ZNF550: variants seen among roughly 807,000 people sequenced by gnomAD.
The protein encoded by ZNF550 is zinc finger protein 550.
A neutral mutation model predicts 40.2 loss-of-function variants in ZNF550; 42 were observed. The ratio of observed to expected loss-of-function variants is 1.05; its 90% CI spans 0.82 to 1.35. The LOEUF is 1.35. ZNF550 is among the 40% of genes most tolerant of loss of function. The pLI is 0.00. For synonymous variants in ZNF550, 223 were observed against 198.6 expected (o/e 1.12, Z -1.03); for missense variants, 549 against 525.2 (o/e 1.05, Z -0.44).
At chr19:57,548,814 T>C (rs553103937) in intron 3 of ZNF550, among the ~76,000 whole-genome samples, 1 of 152,312 alleles carries the variant, frequency 6.6e-6, no homozygotes. Context: ...ATAGCCAAGA[T>C]TTGGAAACAA....
At chr19:57,552,527 G>A in intron 3 of ZNF550, 100 bp downstream of exon 3, 2 of 937,968 alleles carry the variant, frequency 2.1e-6, no homozygotes, top group Non-Finnish European at 3.2e-6. Flanking sequence ...CCCCCGGAAA[G>A]CCACAATGAG....
intron 3 of ZNF550, among the ~76,000 whole-genome samples, chr19:57,551,158 C>G (rs1407873306): frequency 1.3e-5 from 2 of 152,114 alleles, no homozygotes; most frequent in Non-Finnish European, 2.9e-5. Context: ...GAGGTAAGAT[C>G]TCCTCCATAG....
At chr19:57,546,920 A>G in exon 4 of ZNF550, 1 of 1,539,208 alleles carries the variant, frequency 6.5e-7, no homozygotes, top group Non-Finnish European at 8.8e-7. Flanking sequence ...ATTATGAATG[A>G]TAAAATAACA....
intron 1 of ZNF550, among the ~76,000 whole-genome samples, chr19:57,558,111 G>A (rs1236073012): frequency 6.6e-6 from 1 of 152,156 alleles, no homozygotes; most frequent in African/African-American, 2.4e-5. Flanking sequence ...TTTGAGCACC[G>A]CTAAAACACC....
In ZNF550 at chr19:57,556,359, T is replaced by C; in HGVS notation, c.28-2A>G. On this transcript the variant is annotated splice_acceptor_variant, in intron 1 of 4. Coordinates refer to ENST00000457177, the Ensembl canonical transcript of ZNF550. LOFTEE classifies it high-confidence loss of function. Reference sequence around the variant, plus strand: ...CACATCCTTGAAGGTCACCAACATCTGGAAAGTCAAACAGAAGTAATGCTA... The same window carrying C: ...CACATCCTTGAAGGTCACCAACATCCGGAAAGTCAAACAGAAGTAATGCTA... 6.2e-7 allele frequency: 1 copy of C among 1,611,868 alleles called. No homozygotes were observed. The highest frequency in any genetic ancestry group is 8.5e-7 in the Non-Finnish European group (1 of 1,179,056).
chr19:57,560,220 G>C (rs2090158462), upstream of ZNF550, among the ~76,000 whole-genome samples: 1 of 152,142 alleles, frequency 6.6e-6, no homozygotes, highest in South Asian at 2.1e-4. Context: ...CTTACGCCTG[G>C]TTACTGCGTC....
intron 2 of ZNF550, 71 bp from the exon 3 acceptor site, chr19:57,552,793 G>T: frequency 8.7e-7 from 1 of 1,154,948 alleles, no homozygotes; most frequent in Non-Finnish European, 1.3e-6. Flanking sequence ...TCTTGCCTAG[G>T]ACTTCATGAC....
At chr19:57,544,609 T>C (rs765717347) in intron 4 of ZNF550, 2 of 985,306 alleles carry the variant, frequency 2.0e-6, no homozygotes, top group Non-Finnish European at 2.4e-6. Context: ...CAGAGAACTC[T>C]TAACTCACCA....
exon 4 of ZNF550, chr19:57,546,523 C>CT: frequency 1.0e-6 from 1 of 990,336 alleles, no homozygotes; most frequent in Non-Finnish European, 1.2e-6. Context: ...CAGCATGGCT[C>CT]TTTATAGGAC....
chr19:57,549,112 C>T (rs759272563), intron 3 of ZNF550, among the ~76,000 whole-genome samples: 11 of 151,956 alleles, frequency 7.2e-5, no homozygotes, highest in African/African-American at 2.2e-4. Flanking sequence ...ATAGCACAAC[C>T]GGGTGGCTAT....
exon 4 of ZNF550, chr19:57,546,880 C>G: frequency 4.1e-6 from 6 of 1,462,828 alleles, no homozygotes; most frequent in Non-Finnish European, 5.4e-6. Context: ...TCTTTGCATT[C>G]GAAGGACTTC....
chr19:57,546,499 G>A, exon 4 of ZNF550: 3 of 989,176 alleles, frequency 3.0e-6, no homozygotes, highest in Non-Finnish European at 3.6e-6. Context: ...AAAATCCCAA[G>A]GTGGGTCAAA....
At chr19:57,547,697 G>A (rs1461537530) in exon 4 of ZNF550, 1 of 1,614,182 alleles carries the variant, frequency 6.2e-7, no homozygotes, top group Non-Finnish European at 8.5e-7. Context: ...TCACATTCAT[G>A]GAGAACATCT....
intron 3 of ZNF550, among the ~76,000 whole-genome samples, chr19:57,549,835 G>C (rs148967032): frequency 3.3e-4 from 51 of 152,310 alleles, no homozygotes; most frequent in African/African-American, 9.9e-4. Context: ...GAGGCACAAT[G>C]CATGGCAGAC....
At chr19:57,546,948 T>A in exon 4 of ZNF550, 1 of 1,581,786 alleles carries the variant, frequency 6.3e-7, no homozygotes, top group Non-Finnish European at 8.6e-7. Context: ...AAGGCCTTGC[T>A]GTATTCATTG....
chr19:57,552,469 C>T, intron 3 of ZNF550, 158 bp downstream of exon 3: 3 of 592,572 alleles, frequency 5.1e-6, no homozygotes, highest in Non-Finnish European at 9.0e-6. Context: ...GCTCAGTGCT[C>T]ACCTGATGAT....
exon 4 of ZNF550, chr19:57,547,315 G>A: frequency 1.2e-6 from 2 of 1,614,178 alleles, no homozygotes; most frequent in South Asian, 2.2e-5. Flanking sequence ...CTTTTCTCCA[G>A]TGTGGGTCCT....
intron 3 of ZNF550, among the ~76,000 whole-genome samples, chr19:57,551,520 C>T (rs545087132): frequency 7.9e-5 from 12 of 152,236 alleles, no homozygotes; most frequent in Admixed American, 2.6e-4. Context: ...TGAATGGATG[C>T]TGGGTTTGAT....
chr19:57,552,896 TCCCCA>T, intron 2 of ZNF550, 174 bp from the exon 3 acceptor site: 1 of 572,704 alleles, frequency 1.7e-6, no homozygotes, highest in Non-Finnish European at 3.1e-6. Context: ...TGAGCTGTGT[TCCCCA>T]TAAAAATCAT....
Sources: allele counts gnomAD v4.1 joint callset (sites outside exome capture counted in the v4.1 genomes callset), GRCh38; gene constraint gnomAD v4.1.1; transcripts MANE v1.5; gene names NCBI Gene and HGNC (gene_info 2026-07-23, HGNC 2026-07-21).